Variants in CACNB2 observed in about 807,000 individuals in gnomAD.
CACNB2 encodes calcium voltage-gated channel auxiliary subunit beta 2.
CACNB2 carries 42 observed loss-of-function variants against 73.3 expected under a neutral mutation model. The observed-to-expected ratio is 0.57, with a 90% CI of 0.45 to 0.74. The LOEUF is 0.74. CACNB2 is among the 30% of genes least tolerant of loss of function. The pLI is 0.00. For synonymous variants in CACNB2, 348 were observed against 310.3 expected, an observed-to-expected ratio of 1.12 and a Z score of -1.28; for missense variants, 940 against 853.0, an observed-to-expected ratio of 1.10 and a Z score of -1.27.
chr10:18,195,860 C>T (rs1328451755), intron 2 of CACNB2, among the ~76,000 whole-genome samples: 1 of 152,210 alleles, frequency 6.6e-6, no homozygotes, highest in Non-Finnish European at 1.5e-5. Context: ...TCATCAGAGT[C>T]AACTCTTTGG....
At chr10:18,487,104 G>C (rs1228688461) in intron 3 of CACNB2, among the ~76,000 whole-genome samples, 2 of 152,168 alleles carry the variant, frequency 1.3e-5, no homozygotes, top group African/African-American at 2.4e-5. Context: ...TGTGACATTT[G>C]CATGGTGCAT....
chr10:18,520,680 CT>C (rs1286900704), intron 9 of CACNB2, among the ~76,000 whole-genome samples: 1 of 152,222 alleles, frequency 6.6e-6, no homozygotes, highest in Non-Finnish European at 1.5e-5. Context: ...TAGATTTTCT[CT>C]TGCTGCTCTT....
At chr10:18,412,721 T>C (rs1245230741) in intron 3 of CACNB2, among the ~76,000 whole-genome samples, 1 of 152,222 alleles carries the variant, frequency 6.6e-6, no homozygotes, top group African/African-American at 2.4e-5. Flanking sequence ...GTTTCGACTT[T>C]TAGTTCCCTC....
chr10:18,173,129 A>G (rs1049202399), intron 2 of CACNB2, among the ~76,000 whole-genome samples: 1 of 152,120 alleles, frequency 6.6e-6, no homozygotes, highest in Admixed American at 6.5e-5. Flanking sequence ...CATGTTGGCC[A>G]GACTGATCTA....
intron 3 of CACNB2, among the ~76,000 whole-genome samples, chr10:18,493,623 T>A (rs1433381815): frequency 6.6e-6 from 1 of 152,290 alleles, no homozygotes; most frequent in East Asian, 1.9e-4. Flanking sequence ...AGAATGGCGC[T>A]CTTACCCTTG....
At chr10:18,502,107 G>C (rs530116277) in intron 5 of CACNB2, among the ~76,000 whole-genome samples, 1 of 152,298 alleles carries the variant, frequency 6.6e-6, no homozygotes, top group South Asian at 2.1e-4. Context: ...AGGAGTTCAA[G>C]ACGAGCCTGG....
At chr10:18,334,438 T>C (rs1363328797) in intron 2 of CACNB2, among the ~76,000 whole-genome samples, 1 of 152,206 alleles carries the variant, frequency 6.6e-6, no homozygotes, top group African/African-American at 2.4e-5. Flanking sequence ...TCTGTCCTAC[T>C]TTCAAGCAAT....
At chr10:18,476,811 T>C (rs974443006) in intron 3 of CACNB2, among the ~76,000 whole-genome samples, 11 of 152,202 alleles carry the variant, frequency 7.2e-5, no homozygotes, top group African/African-American at 2.4e-4. Context: ...TCAGGAGTTC[T>C]AGACCAGTCT....
At chr10:18,450,274 G>A (rs1040175874) in intron 3 of CACNB2, among the ~76,000 whole-genome samples, 11 of 152,078 alleles carry the variant, frequency 7.2e-5, no homozygotes, top group East Asian at 5.8e-4. Flanking sequence ...AAACACTACC[G>A]TTGTATGCCT....
At chr10:18,347,796 G>A (rs991675044) in intron 2 of CACNB2, among the ~76,000 whole-genome samples, 22 of 152,260 alleles carry the variant, frequency 1.4e-4, no homozygotes, top group African/African-American at 4.3e-4. Flanking sequence ...ATGAGCCTGA[G>A]ATCCTTTCTG....
chr10:18,285,533 A>G (rs1266113842), intron 2 of CACNB2, among the ~76,000 whole-genome samples: 1 of 152,222 alleles, frequency 6.6e-6, no homozygotes, highest in Non-Finnish European at 1.5e-5. Flanking sequence ...TGGCAGCCCC[A>G]GCAGCTATCT....
chr10:18,466,630 T>C (rs2047903822), intron 3 of CACNB2, among the ~76,000 whole-genome samples: 1 of 152,160 alleles, frequency 6.6e-6, no homozygotes, highest in South Asian at 2.1e-4. Flanking sequence ...TTTGTAGCTG[T>C]TAATTTGAGA....
chr10:18,455,231 G>C (rs1312992575), intron 3 of CACNB2, among the ~76,000 whole-genome samples: 1 of 152,174 alleles, frequency 6.6e-6, no homozygotes, highest in Non-Finnish European at 1.5e-5. Flanking sequence ...GCACAGTTTG[G>C]AAAGGAACAT....
chr10:18,291,888 C>T (rs1415979511), intron 2 of CACNB2, among the ~76,000 whole-genome samples: 1 of 152,050 alleles, frequency 6.6e-6, no homozygotes, highest in Admixed American at 6.6e-5. Flanking sequence ...AAGCATTTGT[C>T]TTAGAAAAGC....
At chr10:18,358,547 TCTCTCG>T (rs1426150911) in intron 2 of CACNB2, among the ~76,000 whole-genome samples, 1,156 of 26,776 alleles carry the variant, frequency 0.043, 69 homozygotes, top group South Asian at 0.059. Flanking sequence ...TCTCTCTCTC[TCTCTCG>T]CTCTCTCTCT....
intron 9 of CACNB2, among the ~76,000 whole-genome samples, chr10:18,525,640 G>A (rs543348710): frequency 4.6e-5 from 7 of 151,652 alleles, no homozygotes; most frequent in South Asian, 2.1e-4. Context: ...CCCGTGTGCC[G>A]GACCCTTTCA....
At chr10:18,373,478 T>C (rs1469758177) in intron 2 of CACNB2, among the ~76,000 whole-genome samples, 1 of 152,188 alleles carries the variant, frequency 6.6e-6, no homozygotes, top group African/African-American at 2.4e-5. Flanking sequence ...CCAAACAATG[T>C]TTTTATATGC....
chr10:18,514,922 TAA>T, intron 7 of CACNB2: 28 of 1,017,332 alleles, frequency 2.8e-5, no homozygotes, highest in Non-Finnish European at 3.6e-5. Context: ...TAGCTTGTAC[TAA>T]AAAAAAAAGT....
chr10:18,464,627 G>GC (rs1195606807), intron 3 of CACNB2, among the ~76,000 whole-genome samples: 1 of 151,846 alleles, frequency 6.6e-6, no homozygotes, highest in African/African-American at 2.4e-5. Flanking sequence ...CCATCAATAA[G>GC]CCCTGTTGTT....
Sources: allele counts gnomAD v4.1 joint callset (sites outside exome capture counted in the v4.1 genomes callset), GRCh38; gene constraint gnomAD v4.1.1; transcripts MANE v1.5; gene names NCBI Gene and HGNC (gene_info 2026-07-23, HGNC 2026-07-21).